DGKB: variants seen among roughly 807,000 people sequenced by gnomAD.
DGKB encodes the protein 90 kDa diacylglycerol kinase.
In DGKB, 67 loss-of-function variants were observed where a neutral mutation model predicts 114.3. The observed-to-expected ratio is 0.59, with a 90% CI of 0.48 to 0.72. DGKB has a LOEUF of 0.72. Among genes scored for constraint, DGKB ranks in the 30% least tolerant of loss-of-function variants. The pLI is 0.00. For missense variants in DGKB, 907 were observed against 975.2 expected, an observed-to-expected ratio of 0.93 and a Z score of 0.93; for synonymous variants, 398 against 323.1, an observed-to-expected ratio of 1.23 and a Z score of -2.49.
chr7:14,728,405 T>C (rs1830335467), intron 5 of DGKB, among the ~76,000 whole-genome samples: 1 of 152,184 alleles, frequency 6.6e-6, no homozygotes, highest in South Asian at 2.1e-4. Context: ...TGGCCTTGGC[T>C]ACCTCTCTCG....
At chr7:14,756,612 C>T (rs150726677) in intron 3 of DGKB, among the ~76,000 whole-genome samples, 41 of 151,728 alleles carry the variant, frequency 2.7e-4, no homozygotes, top group Admixed American at 7.2e-4. Context: ...TAGCTAACTA[C>T]GAGAAATACT....
At chr7:14,153,285 A>AC (rs1782497035) in intron 25 of DGKB, among the ~76,000 whole-genome samples, 1 of 152,048 alleles carries the variant, frequency 6.6e-6, no homozygotes, top group Non-Finnish European at 1.5e-5. Flanking sequence ...TATCTGAACA[A>AC]CCGCTCGACA....
At chr7:14,467,930 T>A (rs1279232255) in intron 21 of DGKB, among the ~76,000 whole-genome samples, 1 of 152,112 alleles carries the variant, frequency 6.6e-6, no homozygotes, top group Non-Finnish European at 1.5e-5. Context: ...GCTTACCTTC[T>A]ACTTAATATG....
chr7:14,214,471 G>C (rs1185987417), intron 23 of DGKB, among the ~76,000 whole-genome samples: 3 of 152,086 alleles, frequency 2.0e-5, no homozygotes, highest in African/African-American at 7.2e-5. Context: ...GAAAAGAAAA[G>C]AAAAAGTTTA....
chr7:14,252,572 G>A (rs1038492107), intron 23 of DGKB, among the ~76,000 whole-genome samples: 3 of 152,138 alleles, frequency 2.0e-5, no homozygotes, highest in Admixed American at 1.3e-4. Context: ...GGGTCAGTGG[G>A]TAAACATTGC....
intron 1 of DGKB, among the ~76,000 whole-genome samples, chr7:14,850,623 G>C (rs534715177): frequency 3.3e-5 from 5 of 152,260 alleles, no homozygotes; most frequent in Non-Finnish European, 5.9e-5. Context: ...GATGAACTGA[G>C]AGTTGAGTTA....
chr7:14,768,486 C>A (rs543636881), intron 2 of DGKB, among the ~76,000 whole-genome samples: 1 of 146,512 alleles, frequency 6.8e-6, no homozygotes, highest in Non-Finnish European at 1.5e-5. Context: ...GAACTTGCAG[C>A]CCCACATCTC....
At chr7:14,578,747 A>T (rs62443553) in intron 19 of DGKB, among the ~76,000 whole-genome samples, 1,628 of 152,282 alleles carry the variant, frequency 0.011, 16 homozygotes, top group Non-Finnish European at 0.016. Flanking sequence ...ACATTTTCTG[A>T]CCAGTTTATT....
At chr7:14,516,807 C>T (rs1343380818) in intron 20 of DGKB, among the ~76,000 whole-genome samples, 2 of 151,998 alleles carry the variant, frequency 1.3e-5, no homozygotes, top group Admixed American at 6.6e-5. Context: ...CACAATACTG[C>T]TCAAAGAAAT....
chr7:14,342,384 G>A (rs975211114), intron 22 of DGKB, among the ~76,000 whole-genome samples: 5 of 151,718 alleles, frequency 3.3e-5, no homozygotes, highest in Admixed American at 2.0e-4. Flanking sequence ...AATTCCAAAT[G>A]CTGACCTGAG....
At chr7:14,259,828 C>T (rs985704859) in intron 23 of DGKB, among the ~76,000 whole-genome samples, 4 of 152,132 alleles carry the variant, frequency 2.6e-5, no homozygotes, top group South Asian at 2.1e-4. Flanking sequence ...TTTTCTGGTT[C>T]GTAATAGGAA....
intron 23 of DGKB, among the ~76,000 whole-genome samples, chr7:14,291,192 T>A (rs939936817): frequency 2.7e-5 from 4 of 146,126 alleles, no homozygotes; most frequent in African/African-American, 5.1e-5. Flanking sequence ...GATACTTGGA[T>A]GAGCTATGAC....
intron 23 of DGKB, among the ~76,000 whole-genome samples, chr7:14,217,679 A>G (rs1789221599): frequency 6.6e-6 from 1 of 152,108 alleles, no homozygotes. Context: ...GTGAAAAAAA[A>G]AATCATACGT....
intron 21 of DGKB, among the ~76,000 whole-genome samples, chr7:14,455,348 A>G (rs752930797): frequency 6.6e-6 from 1 of 152,088 alleles, no homozygotes; most frequent in Non-Finnish European, 1.5e-5. Flanking sequence ...TCACAGCTGT[A>G]GAAATGCTCC....
chr7:14,926,137 T>C (rs1784739008), intron 1 of DGKB, among the ~76,000 whole-genome samples: 1 of 152,122 alleles, frequency 6.6e-6, no homozygotes, highest in South Asian at 2.1e-4. Flanking sequence ...TTGCATCTAT[T>C]AATATAATCA....
intron 20 of DGKB, among the ~76,000 whole-genome samples, chr7:14,550,862 A>G (rs966314648): frequency 1.4e-4 from 22 of 152,326 alleles, no homozygotes; most frequent in African/African-American, 5.3e-4. Flanking sequence ...ATGTAGAAAT[A>G]AAAGAAAATG....
chr7:14,892,949 CAT>C (rs200154562), intron 1 of DGKB, among the ~76,000 whole-genome samples: 5,306 of 149,424 alleles, frequency 0.036, 149 homozygotes, highest in Non-Finnish European at 0.048. Context: ...TATACACACA[CAT>C]ATGTGTGTGT....
At chr7:14,815,273 C>T (rs1456306065) in intron 2 of DGKB, 3 of 152,260 alleles carry the variant, frequency 2.0e-5, no homozygotes, top group African/African-American at 4.8e-5. Flanking sequence ...GCATCCCATT[C>T]ACAGACCCTG....
intron 21 of DGKB, among the ~76,000 whole-genome samples, chr7:14,394,154 T>G (rs1055588634): frequency 2.6e-5 from 4 of 152,178 alleles, no homozygotes; most frequent in African/African-American, 9.7e-5. Context: ...TTCAGCATAT[T>G]AACTTTTGCC....
Sources: allele counts gnomAD v4.1 joint callset (sites outside exome capture counted in the v4.1 genomes callset), GRCh38; gene constraint gnomAD v4.1.1; transcripts MANE v1.5; gene names NCBI Gene and HGNC (gene_info 2026-07-23, HGNC 2026-07-21).